Variants in C2CD4B observed in about 807,000 individuals in gnomAD.
C2CD4B encodes C2 calcium-dependent domain-containing protein 4B.
For synonymous variants in C2CD4B, 347 were observed against 284.9 expected (o/e 1.22, Z -2.20); for missense variants, 644 against 577.7 (o/e 1.11, Z -1.18).
Position 62,165,074 on chromosome 15 carries a change from C to T in C2CD4B, c.-40-50G>A, listed in dbSNP as rs545188017. 1.5e-5 allele frequency: 21 copies of T among 1,404,106 alleles called. No individual in the cohort carries two copies. The East Asian group carries it at 3.5e-4, about 23-fold the overall frequency. The allele number at this position is 1,404,106 out of a possible 1,614,324, so 87.0% of individuals were successfully genotyped here. Reference sequence around the variant, plus strand: ...TTTGGGCGCCTGGAGCTGCTGCAGCCCCTCGACGCGGCTGGATCCCTCCCC... The same window carrying T: ...TTTGGGCGCCTGGAGCTGCTGCAGCTCCTCGACGCGGCTGGATCCCTCCCC... On this transcript the variant is annotated intron_variant, in intron 1 of 1. Transcript: ENST00000380392.
Position 62,164,428 on chromosome 15 carries a change from C to T in C2CD4B, c.557G>A (p.Arg186His), listed in dbSNP as rs1186349531. The T allele has an allele frequency of 7.2e-7, 1 of 1,389,386 alleles. No individual in the cohort carries two copies. The highest frequency in any genetic ancestry group is 3.2e-5 in the Admixed American group (1 of 31,490). 86.1% of individuals were successfully genotyped at this position (1,389,386 alleles called of 1,614,324 possible). A position where few individuals can be genotyped will look rare whatever the true frequency, so the allele number is the denominator to read the frequency against. Residue 186 changes from arginine (R) to histidine (H), a missense_variant, in exon 2 of 2, where the codon CGC (arginine) becomes CAC (histidine). Coordinates refer to ENST00000380392, the MANE Select transcript of C2CD4B (RefSeq NM_001007595.3). ...GCGACTCCTTCCAGCCCGCAGCGCG[C>T]GACTCAGCAGCCCGTCGGGGACGCG... Reference protein sequence around the residue: ...LLRVPDGLLSRALRAGRSRRL... With the variant: ...LLRVPDGLLSHALRAGRSRRL...
Position 62,164,230 on chromosome 15 carries a change from A to G in C2CD4B, c.755T>C (p.Leu252Pro). 1 of 1,460,278 alleles carries G rather than the reference A, an allele frequency of 6.8e-7. No homozygotes were observed. The highest frequency in any genetic ancestry group is 2.6e-5 in the Admixed American group (1 of 38,132). 90.5% of individuals were successfully genotyped at this position (1,460,278 alleles called of 1,614,324 possible). A position where few individuals can be genotyped will look rare whatever the true frequency, so the allele number is the denominator to read the frequency against. The change falls in exon 2 of 2, where the codon CTG becomes CCG. Residue 252 changes from leucine (L) to proline (P), a missense_variant. Leu to Pro is a moderately conservative substitution (Grantham distance 98, BLOSUM62 -3). Coordinates refer to ENST00000380392, the MANE Select transcript of C2CD4B (RefSeq NM_001007595.3). ...CGGACAGTACTCAGCAGCCAGGCGCAGGGCGTCGCCGGCGCGGCCCAGAGC... is the reference window on the plus strand; with the variant it reads ...CGGACAGTACTCAGCAGCCAGGCGCGGGGCGTCGCCGGCGCGGCCCAGAGC... ...TVALGRAGDA[L>P]RLAAEYCPGT... is the part of the protein sequence containing the mutation.
rs1322228006 is a variant in C2CD4B, at chr15:62,164,527, G to A, written c.458C>T (p.Thr153Ile). Residue 153 changes from threonine (T) to isoleucine (I), a missense_variant, in exon 2 of 2, where the codon ACC (threonine) becomes ATC (isoleucine). Physicochemically the swap from Thr to Ile is moderately conservative, Grantham distance 89. Coordinates refer to ENST00000380392, the MANE Select transcript of C2CD4B (RefSeq NM_001007595.3). ...LCGPRGPGPA[T>I]PAAPGGPRLP... ...GCGGGGACCGCCGGGGGCCGCGGGG[G>A]TGGCCGGGCCCGGACCTCGCGGGCC... The A allele has an allele frequency of 2.6e-6, 3 of 1,153,030 alleles. No homozygotes were observed. Among genetic ancestry groups the A allele is most frequent in the East Asian group, 4.3e-5 (1 of 23,426 alleles). 71.4% of individuals were successfully genotyped at this position (1,153,030 alleles called of 1,614,324 possible).
rs2049597583 is a variant in C2CD4B at position 62,164,806 on chromosome 15, G to A, written c.179C>T (p.Ala60Val). 6.8e-7 allele frequency: 1 copy of A among 1,465,592 alleles called. No individual in the cohort carries two copies. The highest frequency in any genetic ancestry group is 8.9e-7 in the Non-Finnish European group (1 of 1,119,916). 90.8% of individuals were successfully genotyped at this position (1,465,592 alleles called of 1,614,324 possible). A position where few individuals can be genotyped will look rare whatever the true frequency, so the allele number is the denominator to read the frequency against. The change falls in exon 2 of 2, where the codon GCT (alanine) becomes GTT (valine). Residue 60 changes from alanine to valine, a missense_variant. By Grantham distance (64) the Ala-to-Val change is moderately conservative (BLOSUM62 0). Transcript: ENST00000380392. ...CGCGCGGGGCCACAGGTCGCTTTCA[G>A]CGGCGCAGCGCCGGGGCACGGCGGC... ...RAAAVPRRCA[A>V]ESDLWPRAAD...
In C2CD4B at chr15:62,164,646, C is replaced by G; in HGVS notation, c.339G>C (p.Glu113Asp). The stretch of plus-strand genomic sequence containing the variant: ...CGGGCGGGCCCCCGAGCAGGAGCGA[C>G]TCCTTGCGGCGCGTGTGCGGGCTCT... Reference protein sequence around the residue: ...LLESPHTRRKESLLLGGPPAP... With the variant: ...LLESPHTRRKDSLLLGGPPAP... The change falls in exon 2 of 2, where the codon GAG becomes GAC. Residue 113 changes from glutamate (E) to aspartate (D), a missense_variant. By Grantham distance (45) the Glu-to-Asp change is conservative. Coordinates refer to ENST00000380392, the MANE Select transcript of C2CD4B (RefSeq NM_001007595.3). 7.1e-7 allele frequency: 1 copy of G among 1,418,240 alleles called. No individual in the cohort carries two copies. The highest frequency in any genetic ancestry group is 2.7e-5 in the Admixed American group (1 of 37,182). The allele number at this position is 1,418,240 out of a possible 1,614,324, so 87.9% of individuals were successfully genotyped here. A position where few individuals can be genotyped will look rare whatever the true frequency, so the allele number is the denominator to read the frequency against.
Position 62,164,225 on chromosome 15 carries a change from G to A in C2CD4B, c.760C>T (p.Leu254=), listed in dbSNP as rs766485303. The A allele has an allele frequency of 1.3e-4, 191 of 1,462,180 alleles. No individual in the cohort carries two copies. The African/African-American group carries it at 2.3e-3, about 18-fold the overall frequency. 90.6% of individuals were successfully genotyped at this position (1,462,180 alleles called of 1,614,324 possible). A position where few individuals can be genotyped will look rare whatever the true frequency, so the allele number is the denominator to read the frequency against. Residue 254 remains leucine, a synonymous_variant, in exon 2 of 2, where the codon CTG becomes TTG. Coordinates refer to ENST00000380392, the MANE Select transcript of C2CD4B (RefSeq NM_001007595.3). ...GTTCCCGGACAGTACTCAGCAGCCA[G>A]GCGCAGGGCGTCGCCGGCGCGGCCC... The part of the protein sequence containing the change: ...ALGRAGDALR[L]AAEYCPGTRR...
rs1221995013 is a variant in C2CD4B at position 62,164,639 on chromosome 15, G to A, written c.346C>T (p.Leu116=). 2 of 1,401,314 alleles carry A rather than the reference G, an allele frequency of 1.4e-6. No homozygotes were observed. Among genetic ancestry groups the A allele is most frequent in the African/African-American group, 1.5e-5 (1 of 66,798 alleles). 86.8% of individuals were successfully genotyped at this position (1,401,314 alleles called of 1,614,324 possible). A position where few individuals can be genotyped will look rare whatever the true frequency, so the allele number is the denominator to read the frequency against. The stretch of plus-strand genomic sequence containing the variant: ...CGGGGCGCGGGCGGGCCCCCGAGCA[G>A]GAGCGACTCCTTGCGGCGCGTGTGC... ...SPHTRRKESL[L]LGGPPAPRPR... is the part of the protein sequence containing the mutation. Residue 116 remains leucine (L), a synonymous_variant, in exon 2 of 2, where the codon CTG becomes TTG. Transcript: ENST00000380392.
At chr15:62,165,105 C>T (rs912025404) in intron 1 of C2CD4B, 81 bp from the exon 2 acceptor site, 7 of 1,217,878 alleles carry the variant, frequency 5.7e-6, no homozygotes, top group Middle Eastern at 2.9e-4. Flanking sequence ...TCCCCCAGAC[C>T]CTGTAAACGT....
In C2CD4B at chr15:62,163,926, C is replaced by G. The variant is rs1466510150; in HGVS notation, c.1059G>C (p.Gln353His). The part of the protein sequence containing the change: ...RGRDRGRLLG[Q>H]GELSLGALLL... ...GGAGGGCGCCCAGGGACAGCTCACC[C>G]TGGCCCAGCAGGCGGCCCCGATCCC... The change falls in exon 2 of 2, where the codon CAG becomes CAC. Residue 353 changes from glutamine to histidine, a missense_variant. Physicochemically the swap from Gln to His is conservative, Grantham distance 24. Coordinates refer to ENST00000380392, the MANE Select transcript of C2CD4B (RefSeq NM_001007595.3). 5 of 1,552,278 alleles carry G rather than the reference C, an allele frequency of 3.2e-6. No homozygotes were observed. Among genetic ancestry groups the G allele is most frequent in the Non-Finnish European group, 4.3e-6 (5 of 1,153,756 alleles).
At chr15:62,165,106 C>A in intron 1 of C2CD4B, 82 bp from the exon 2 acceptor site, 1 of 1,212,814 alleles carries the variant, frequency 8.2e-7, no homozygotes, top group Non-Finnish European at 1.1e-6. Flanking sequence ...CCCCCAGACC[C>A]TGTAAACGTC....
rs1226480593 is a variant in C2CD4B at position 62,164,849 on chromosome 15, C to T, written c.136G>A (p.Glu46Lys). ...PPRLPAPCTL[E>K]SPIRAAAVPR... ...ACGGCGGCGGCCCGGATTGGAGACTCGAGCGTGCAAGGGGCCGGCAGCCGC... is the reference window on the plus strand; with the variant it reads ...ACGGCGGCGGCCCGGATTGGAGACTTGAGCGTGCAAGGGGCCGGCAGCCGC... The change falls in exon 2 of 2, where the codon GAG (glutamate) becomes AAG (lysine). Residue 46 changes from glutamate (E) to lysine (K), a missense_variant. Coordinates refer to ENST00000380392, the MANE Select transcript of C2CD4B (RefSeq NM_001007595.3). 5 of 1,486,300 alleles carry T rather than the reference C, an allele frequency of 3.4e-6. No individual in the cohort carries two copies. The highest frequency in any genetic ancestry group is 4.4e-6 in the Non-Finnish European group (5 of 1,125,138). The allele number at this position is 1,486,300 out of a possible 1,614,324, so 92.1% of individuals were successfully genotyped here.
chr15:62,164,606 C>A lies in C2CD4B; in HGVS notation c.379G>T (p.Ala127Ser), dbSNP rs2049592237. Residue 127 changes from alanine (A) to serine (S), a missense_variant, in exon 2 of 2, where the codon GCC (alanine) becomes TCC (serine). Coordinates refer to ENST00000380392, the MANE Select transcript of C2CD4B (RefSeq NM_001007595.3). ...LGGPPAPRPR[A>S]HSCGGGGGPD... ...CCTCCGCCGCCGCCGCAGCTGTGGG[C>A]CCGGGGCCGGGGCGCGGGCGGGCCC... The A allele has an allele frequency of 4.0e-6, 5 of 1,252,082 alleles. No homozygotes were observed. Among genetic ancestry groups the A allele is most frequent in the Non-Finnish European group, 4.0e-6 (4 of 1,003,210 alleles). The allele number at this position is 1,252,082 out of a possible 1,614,324, so 77.6% of individuals were successfully genotyped here. A position where few individuals can be genotyped will look rare whatever the true frequency, so the allele number is the denominator to read the frequency against.
rs761125408 is a variant in C2CD4B, at chr15:62,164,817, CCGGGGCACGG to C, written c.158_167del (p.Ala53GlyfsTer129). ...ACAGGTCGCTTTCAGCGGCGCAGCG[CCGGGGCACGG>C]CGGCGGCCCGGATTGGAGACTCGAG... is the stretch of plus-strand genomic sequence containing the variant. On this transcript the variant is annotated frameshift_variant, in exon 2 of 2. Transcript: ENST00000380392. LOFTEE classifies it low-confidence loss of function (END_TRUNC). 9.6e-6 allele frequency: 14 copies of C among 1,465,712 alleles called. No homozygotes were observed. Among genetic ancestry groups the C allele is most frequent in the African/African-American group, 1.5e-5 (1 of 68,050 alleles). The allele number at this position is 1,465,712 out of a possible 1,614,324, so 90.8% of individuals were successfully genotyped here.
rs2049591897 is a variant in C2CD4B, at chr15:62,164,587, C to T, written c.398G>A (p.Gly133Asp). 1.7e-5 allele frequency: 21 copies of T among 1,208,692 alleles called. No homozygotes were observed. The highest frequency in any genetic ancestry group is 1.9e-5 in the Non-Finnish European group (19 of 976,496). The allele number at this position is 1,208,692 out of a possible 1,614,324, so 74.9% of individuals were successfully genotyped here. ...PRPRAHSCGG[G>D]GGPDAPLGTL... ...CCCCAGGGGGGCGTCCGGGCCTCCG[C>T]CGCCGCCGCAGCTGTGGGCCCGGGG... Residue 133 changes from glycine (G) to aspartate (D), a missense_variant, in exon 2 of 2, where the codon GGC becomes GAC. Physicochemically the swap from Gly to Asp is moderately conservative, Grantham distance 94. Transcript: ENST00000380392.
In C2CD4B at chr15:62,164,033, C is replaced by T. The variant is rs1436978007; in HGVS notation, c.952G>A (p.Asp318Asn). 1.0e-5 allele frequency: 16 copies of T among 1,600,648 alleles called. No homozygotes were observed. Among genetic ancestry groups the T allele is most frequent in the Admixed American group, 1.7e-5 (1 of 59,112 alleles). The change falls in exon 2 of 2, where the codon GAC becomes AAC. Residue 318 changes from aspartate to asparagine, a missense_variant. Transcript: ENST00000380392. ...TCCGAGAGGCCGTCGAAGCAAAAGT[C>T]CTGGTCAAAGGAGGCCTTGCGGCTG... ...GRSRKASFDQ[D>N]FCFDGLSEDE...
chr15:62,164,861 G>A lies in C2CD4B; in HGVS notation c.124C>T (p.Pro42Ser), dbSNP rs907841912. 1 of 1,501,898 alleles carries A rather than the reference G, an allele frequency of 6.7e-7. No individual in the cohort carries two copies. Among genetic ancestry groups the A allele is most frequent in the African/African-American group, 1.4e-5 (1 of 70,176 alleles). 93.0% of individuals were successfully genotyped at this position (1,501,898 alleles called of 1,614,324 possible). A position where few individuals can be genotyped will look rare whatever the true frequency, so the allele number is the denominator to read the frequency against. ...CGGATTGGAGACTCGAGCGTGCAAGGGGCCGGCAGCCGCGGCGGGATGCAG... is the reference window on the plus strand; with the variant it reads ...CGGATTGGAGACTCGAGCGTGCAAGAGGCCGGCAGCCGCGGCGGGATGCAG... ...EFCIPPRLPA[P>S]CTLESPIRAA... Residue 42 changes from proline to serine, a missense_variant, in exon 2 of 2, where the codon CCT becomes TCT. Pro to Ser is a moderately conservative substitution (Grantham distance 74, BLOSUM62 -1). Coordinates refer to ENST00000380392, the MANE Select transcript of C2CD4B (RefSeq NM_001007595.3).
rs1055427702 is a variant in C2CD4B, at chr15:62,164,184, G to A, written c.801C>T (p.Leu267=). The change falls in exon 2 of 2, where the codon CTC becomes CTT. Residue 267 remains leucine (L), a synonymous_variant. Transcript: ENST00000380392. The part of the protein sequence containing the change: ...EYCPGTRRLR[L]RLLRAESLFG... ...ACAGGCTCTCCGCGCGGAGCAGCCG[G>A]AGGCGGAGACGCCGGGTTCCCGGAC... is the stretch of plus-strand genomic sequence containing the variant. 57 of 1,475,912 alleles carry A rather than the reference G, an allele frequency of 3.9e-5. No homozygotes were observed. Among genetic ancestry groups the A allele is most frequent in the Non-Finnish European group, 5.0e-5 (56 of 1,122,308 alleles). The allele number at this position is 1,475,912 out of a possible 1,614,324, so 91.4% of individuals were successfully genotyped here.
Position 62,164,794 on chromosome 15 carries a change from A to T in C2CD4B, c.191T>A (p.Leu64Gln). ...VPRRCAAESD[L>Q]WPRAADEDAG... is the part of the protein sequence containing the mutation. ...GTCCTCGTCTGCCGCGCGGGGCCAC[A>T]GGTCGCTTTCAGCGGCGCAGCGCCG... Residue 64 changes from leucine to glutamine, a missense_variant, in exon 2 of 2, where the codon CTG becomes CAG. Leu to Gln is a moderately radical substitution (Grantham distance 113). Transcript: ENST00000380392. The T allele has an allele frequency of 6.8e-7, 1 of 1,476,040 alleles. No homozygotes were observed. The highest frequency in any genetic ancestry group is 1.3e-5 in the South Asian group (1 of 75,476). 91.4% of individuals were successfully genotyped at this position (1,476,040 alleles called of 1,614,324 possible).
Position 62,163,768 on chromosome 15 carries a change from A to G in C2CD4B, c.*122T>C. ...TAGACGATGACAAATGTGGATGGTG[A>G]GGAAGTAAAACGTCAATAAAGCAGT... is the stretch of plus-strand genomic sequence containing the variant. On this transcript the variant is annotated 3_prime_UTR_variant, in exon 2 of 2. Transcript: ENST00000380392. 1 of 1,253,256 alleles carries G rather than the reference A, an allele frequency of 8.0e-7. No individual in the cohort carries two copies. The highest frequency in any genetic ancestry group is 1.0e-6 in the Non-Finnish European group (1 of 972,288). The allele number at this position is 1,253,256 out of a possible 1,614,324, so 77.6% of individuals were successfully genotyped here.
Sources: gnomAD v4.1 joint callset for allele counts on GRCh38, gnomAD v4.1.1 for gene constraint, MANE v1.5 for transcripts, NCBI Gene and HGNC (gene_info 2026-07-23, HGNC 2026-07-21) for gene names.